PRKG1: variants seen among roughly 807,000 people sequenced by gnomAD.
PRKG1 encodes protein kinase cGMP-dependent 1, also known as cGMP-dependent protein kinase 1.
Under a neutral mutation model 88.1 loss-of-function variants are expected in PRKG1, and 35 were observed. That is an observed-to-expected ratio of 0.40 (90% confidence interval 0.30 to 0.53). The LOEUF (loss-of-function observed/expected upper bound fraction) is 0.53, where lower values mean the gene tolerates loss of function less well. Ranked by LOEUF, PRKG1 falls within the 20% of genes least tolerant of loss-of-function variation. The probability of loss-of-function intolerance (pLI) is 0.59; values close to 1 mark genes in which losing one functional copy is unlikely to be tolerated. For missense variants in PRKG1, 540 were observed against 839.8 expected, an observed-to-expected ratio of 0.64 and a Z score of 4.41; for synonymous variants, 303 against 292.5, an observed-to-expected ratio of 1.04 and a Z score of -0.37.
At chr10:51,911,229 A>G (rs1229739331) in intron 5 of PRKG1, 1 of 151,442 alleles carries the variant, frequency 6.6e-6, no homozygotes, top group East Asian at 1.9e-4. Flanking sequence ...TGCTTTTTTT[A>G]TTGAATACAC....
chr10:51,822,972 G>A (rs1357167007), intron 4 of PRKG1, among the ~76,000 whole-genome samples: 2 of 152,044 alleles, frequency 1.3e-5, no homozygotes, highest in African/African-American at 4.8e-5. Flanking sequence ...GAATTCATGA[G>A]GTCAAAACTA....
intron 2 of PRKG1, among the ~76,000 whole-genome samples, chr10:51,323,404 T>G (rs748160297): frequency 1.3e-5 from 2 of 152,194 alleles, no homozygotes; most frequent in Non-Finnish European, 2.9e-5. Context: ...AGCTCCAGAA[T>G]TAGATGACCT....
intron 2 of PRKG1, among the ~76,000 whole-genome samples, chr10:51,325,091 T>C (rs966023202): frequency 6.6e-6 from 1 of 152,236 alleles, no homozygotes; most frequent in African/African-American, 2.4e-5. Flanking sequence ...AGATGATATC[T>C]GTTTGTGGTT....
intron 3 of PRKG1, among the ~76,000 whole-genome samples, chr10:51,778,316 T>C (rs12262370): frequency 0.1 from 15,169 of 152,098 alleles, 831 homozygotes; most frequent in African/African-American, 0.13. Flanking sequence ...TGTTCTCAGG[T>C]CGTTGTGATC....
chr10:51,167,961 A>C (rs575805461), intron 2 of PRKG1, among the ~76,000 whole-genome samples: 1 of 152,172 alleles, frequency 6.6e-6, no homozygotes, highest in Non-Finnish European at 1.5e-5. Context: ...GCTCTCTTCT[A>C]ATTAAAGTAG....
intron 4 of PRKG1, among the ~76,000 whole-genome samples, chr10:51,814,940 A>G (rs981600828): frequency 2.0e-5 from 3 of 152,168 alleles, no homozygotes; most frequent in Non-Finnish European, 2.9e-5. Flanking sequence ...TATTTGTGGT[A>G]AAATCTTCCA....
At chr10:51,751,383 A>G (rs1411018502) in intron 3 of PRKG1, among the ~76,000 whole-genome samples, 1 of 152,042 alleles carries the variant, frequency 6.6e-6, no homozygotes, top group South Asian at 2.1e-4. Flanking sequence ...GATTAAAGGC[A>G]CGCACCATCT....
intron 4 of PRKG1, among the ~76,000 whole-genome samples, chr10:51,867,812 G>A (rs7907601): frequency 0.18 from 26,613 of 152,068 alleles, 2,982 homozygotes; most frequent in Non-Finnish European, 0.24. Context: ...TTGAAAAGAC[G>A]TAAAGTAATC....
intron 3 of PRKG1, among the ~76,000 whole-genome samples, chr10:51,567,727 C>G (rs1837643983): frequency 1.3e-5 from 2 of 152,042 alleles, no homozygotes; most frequent in Non-Finnish European, 1.5e-5. Context: ...GCTGAAACTA[C>G]TGGCCTGCAC....
chr10:51,391,525 G>A (rs1266924399), intron 2 of PRKG1, among the ~76,000 whole-genome samples: 1 of 152,142 alleles, frequency 6.6e-6, no homozygotes, highest in Non-Finnish European at 1.5e-5. Context: ...CTTTGGCTTT[G>A]CCTTTTGAGG....
At chr10:51,508,288 G>C (rs1841287320) in intron 3 of PRKG1, among the ~76,000 whole-genome samples, 2 of 152,078 alleles carry the variant, frequency 1.3e-5, no homozygotes, top group Non-Finnish European at 2.9e-5. Flanking sequence ...TTTATCATTA[G>C]GTTTTACTTT....
chr10:52,038,641 G>T (rs1457304345), intron 5 of PRKG1, among the ~76,000 whole-genome samples: 2 of 152,102 alleles, frequency 1.3e-5, no homozygotes, highest in African/African-American at 2.4e-5. Context: ...TGAGGTACTT[G>T]CCCCTTTCCC....
chr10:51,636,704 G>T (rs191105569), intron 3 of PRKG1, among the ~76,000 whole-genome samples: 1 of 152,296 alleles, frequency 6.6e-6, no homozygotes, highest in East Asian at 1.9e-4. Context: ...CATCTGTCCA[G>T]CCAGAACGTA....
chr10:52,120,791 C>T lies in PRKG1; in HGVS notation c.936-13049C>T, dbSNP rs139190895. Among the ~76,000 whole-genome samples the T allele has an allele frequency of 5.9e-3, 897 of 152,192 alleles. 11 individuals carry two copies. The highest frequency in any genetic ancestry group is 0.02 in the African/African-American group (835 of 41,518). On this transcript the variant is annotated intron_variant, in intron 7 of 17. Transcript: ENST00000373980. ...TGTGCCTGAAACTTTCCAAGGCTTA[C>T]GTTGCACTCTGGCGGCTCTACGGTT...
rs376628119 is a variant in PRKG1, at chr10:51,717,819, G to A, written c.593-86766G>A. On this transcript the variant is annotated intron_variant, in intron 3 of 17. Transcript: ENST00000373980. ...TGCACTCCAGCCTGGGCGACAGAGC[G>A]AGACTCTGTCTCAAAAAAAAAAAAA... Among the ~76,000 whole-genome samples, 9 of 148,978 alleles carry A rather than the reference G, an allele frequency of 6.0e-5. No individual in the cohort carries two copies. In the East Asian group the frequency reaches 1.4e-3, roughly 23 times the overall value.
intron 1 of PRKG1, among the ~76,000 whole-genome samples, chr10:51,042,287 T>G (rs1843434568): frequency 6.6e-6 from 1 of 152,226 alleles, no homozygotes; most frequent in Non-Finnish European, 1.5e-5. Context: ...CTTACAGTGT[T>G]CTAACTTGTC....
At chr10:51,629,719 T>C (rs1839475383) in intron 3 of PRKG1, among the ~76,000 whole-genome samples, 1 of 152,158 alleles carries the variant, frequency 6.6e-6, no homozygotes, top group Admixed American at 6.5e-5. Context: ...TTGACCCTCT[T>C]CTAGCATGGA....
chr10:51,445,466 AT>A (rs1352508611), intron 2 of PRKG1, among the ~76,000 whole-genome samples: 1 of 151,894 alleles, frequency 6.6e-6, no homozygotes, highest in Non-Finnish European at 1.5e-5. Flanking sequence ...CAAGGAAACC[AT>A]TTTTCCATAC....
chr10:51,370,186 T>C lies in PRKG1; in HGVS notation c.479-97537T>C, dbSNP rs955781042. ...GATTTTGTGAGCCAGAGCTCCCTGC[T>C]TGAATGCTCTTTCCGGAGGGGTAAA... On this transcript the variant is annotated intron_variant, in intron 2 of 17. Coordinates refer to ENST00000373980, the MANE Select transcript of PRKG1 (RefSeq NM_006258.4). Among the ~76,000 whole-genome samples, 8 of 152,244 alleles carry C rather than the reference T, an allele frequency of 5.3e-5. No homozygotes were observed. In the South Asian group the frequency reaches 1.5e-3, roughly 28 times the overall value.
Sources: allele counts gnomAD v4.1 joint callset (sites outside exome capture counted in the v4.1 genomes callset), GRCh38; gene constraint gnomAD v4.1.1; transcripts MANE v1.5; gene names NCBI Gene and HGNC (gene_info 2026-07-23, HGNC 2026-07-21).